USP22: variants seen among roughly 807,000 people sequenced by gnomAD.
USP22 encodes the protein ubiquitin carboxyl-terminal hydrolase 22.
In USP22, 22 loss-of-function variants were observed where a neutral mutation model predicts 68.1. The observed-to-expected ratio is 0.32, with a 90% CI of 0.23 to 0.46. USP22 has a LOEUF of 0.46. USP22 is among the 20% of genes least tolerant of loss of function. The pLI is 1.00. For missense variants in USP22, 433 were observed against 695.8 expected (o/e 0.62, Z 4.25); for synonymous variants, 279 against 274.2 (o/e 1.02, Z -0.17).
At position 21,027,292 on chromosome 17, in the gene USP22, C is replaced by CAAAAAAAAAAA. The variant is rs71357459; in HGVS notation, c.304+1239_304+1249dup. On this transcript the variant is annotated intron_variant, in intron 2 of 12. Coordinates refer to ENST00000261497, the MANE Select transcript of USP22 (RefSeq NM_015276.2). ...TCCAGACAAAGCGAGACCCTGTCTC[C>CAAAAAAAAAAA]AAAAAAAAAAAAAAAAAATCAGACA... Among the ~76,000 whole-genome samples the CAAAAAAAAAAA allele has an allele frequency of 9.0e-3, 648 of 71,910 alleles. 28 individuals are homozygous for CAAAAAAAAAAA. Among genetic ancestry groups the CAAAAAAAAAAA allele is most frequent in the East Asian group, 0.021 (55 of 2,610 alleles). 47.2% of individuals were successfully genotyped at this position (71,910 alleles called of 152,430 possible). A position where few individuals can be genotyped will look rare whatever the true frequency, so the allele number is the denominator to read the frequency against.
chr17:21,035,938 A>G (rs550658189), intron 1 of USP22, among the ~76,000 whole-genome samples: 94 of 150,462 alleles, frequency 6.2e-4, no homozygotes, highest in African/African-American at 2.3e-3. Flanking sequence ...GGCTGAGGCA[A>G]GAGAATGGCG....
At chr17:21,012,400 G>C (rs1913997150) in intron 7 of USP22, among the ~76,000 whole-genome samples, 2 of 152,186 alleles carry the variant, frequency 1.3e-5, no homozygotes, top group South Asian at 2.1e-4. Context: ...AGAAGAATTA[G>C]GGCCACTACA....
At chr17:21,035,725 T>A (rs1447141673) in intron 1 of USP22, among the ~76,000 whole-genome samples, 1 of 151,984 alleles carries the variant, frequency 6.6e-6, no homozygotes, top group African/African-American at 2.4e-5. Context: ...TAAATACCAT[T>A]AAAAGAAAAA....
Position 21,011,121 on chromosome 17 carries a change from G to GC in USP22, c.1103+29dup, listed in dbSNP as rs748624004. On this transcript the variant is annotated intron_variant, in intron 8 of 12. Transcript: ENST00000261497. ...GCACAGCCTTCTGGCCAGGAGACAC[G>GC]CCCCCGCCGTGTGGGTGCAGGCCTC... The GC allele has an allele frequency of 2.4e-5, 37 of 1,550,748 alleles. No individual in the cohort carries two copies. The African/African-American group carries it at 4.9e-4, about 21-fold the overall frequency.
chr17:21,017,016 C>T (rs1310391252), intron 5 of USP22, among the ~76,000 whole-genome samples: 1 of 152,202 alleles, frequency 6.6e-6, no homozygotes, highest in African/African-American at 2.4e-5. Context: ...CCTCCTTTCT[C>T]CTATTTGGGC....
intron 1 of USP22, among the ~76,000 whole-genome samples, chr17:21,033,818 C>A (rs4985822): frequency 1.3e-5 from 2 of 151,722 alleles, no homozygotes; most frequent in South Asian, 2.1e-4. Context: ...GCGTAATCTC[C>A]GCTAACTGCA....
intron 1 of USP22, among the ~76,000 whole-genome samples, 189 bp downstream of exon 1, chr17:21,042,476 A>G (rs1286817882): frequency 8.9e-6 from 1 of 112,044 alleles, no homozygotes; most frequent in East Asian, 3.0e-4. Flanking sequence ...GGGAAGGGAG[A>G]GAGTTGAGGG....
intron 4 of USP22, 45 bp from the exon 5 acceptor site, chr17:21,018,156 C>T (rs368103803): frequency 6.7e-7 from 1 of 1,503,694 alleles, no homozygotes; most frequent in African/African-American, 1.4e-5. Context: ...GTGTGCTGAA[C>T]CACAGGTGTC....
intron 1 of USP22, among the ~76,000 whole-genome samples, chr17:21,034,918 C>T (rs1019533299): frequency 2.0e-5 from 3 of 152,168 alleles, no homozygotes; most frequent in Admixed American, 6.5e-5. Flanking sequence ...AAAGTTTGCA[C>T]GTAATACAAA....
intron 1 of USP22, among the ~76,000 whole-genome samples, chr17:21,040,576 A>G (rs1382118947): frequency 6.6e-6 from 1 of 152,252 alleles, no homozygotes; most frequent in African/African-American, 2.4e-5. Flanking sequence ...TCTGAAATTA[A>G]AAGATTAATC....
chr17:21,035,163 C>T (rs1394006033), intron 1 of USP22, among the ~76,000 whole-genome samples: 1 of 152,186 alleles, frequency 6.6e-6, no homozygotes, highest in African/African-American at 2.4e-5. Context: ...CTGTCAATTA[C>T]ACATGTATGG....
At chr17:21,015,359 A>C (rs1914098152) in intron 6 of USP22, among the ~76,000 whole-genome samples, 1 of 152,130 alleles carries the variant, frequency 6.6e-6, no homozygotes, top group South Asian at 2.1e-4. Flanking sequence ...AATGGGAAGG[A>C]GACAGTTGGG....
chr17:21,010,873 A>G (rs2143539546), intron 8 of USP22, among the ~76,000 whole-genome samples: 1 of 152,318 alleles, frequency 6.6e-6, no homozygotes, highest in Admixed American at 6.5e-5. Context: ...CTAAGGGAGC[A>G]GCCAGTTTGG....
At chr17:21,029,734 C>T (rs1044205636) in intron 1 of USP22, among the ~76,000 whole-genome samples, 1 of 152,162 alleles carries the variant, frequency 6.6e-6, no homozygotes, top group Non-Finnish European at 1.5e-5. Context: ...CTGACACATG[C>T]TACAGTGCAG....
chr17:21,002,959 G>T lies in USP22; in HGVS notation c.*72C>A, dbSNP rs78523442. The T allele has an allele frequency of 2.2e-4, 348 of 1,584,328 alleles. 1 individual carries two copies. Among genetic ancestry groups the T allele is most frequent in the Middle Eastern group, 4.5e-4 (2 of 4,434 alleles). ...GCGGCGGGAGACTTGGGGGAGGGGG[G>T]GGCCAGGGAGGATCACTTTGTGAGG... On this transcript the variant is annotated 3_prime_UTR_variant, in exon 13 of 13. Coordinates refer to ENST00000261497, the MANE Select transcript of USP22 (RefSeq NM_015276.2).
intron 5 of USP22, among the ~76,000 whole-genome samples, chr17:21,016,623 C>G (rs1233420367): frequency 6.6e-6 from 1 of 152,194 alleles, no homozygotes; most frequent in Non-Finnish European, 1.5e-5. Context: ...TGGATGCACG[C>G]AAGACACGGG....
At chr17:21,022,454 A>C (rs1972168385) in intron 2 of USP22, among the ~76,000 whole-genome samples, 1 of 152,230 alleles carries the variant, frequency 6.6e-6, no homozygotes, top group African/African-American at 2.4e-5. Context: ...AAGTAAGATA[A>C]AGTCCTCTGA....
chr17:21,040,637 T>G (rs1256399589), intron 1 of USP22, among the ~76,000 whole-genome samples: 2 of 152,094 alleles, frequency 1.3e-5, no homozygotes, highest in South Asian at 4.1e-4. Flanking sequence ...TTTAGGAAAT[T>G]AGGCAAAGTT....
intron 1 of USP22, among the ~76,000 whole-genome samples, chr17:21,041,289 T>C (rs1185113148): frequency 6.6e-6 from 1 of 150,836 alleles, no homozygotes; most frequent in Non-Finnish European, 1.5e-5. Flanking sequence ...CGCTACCTGA[T>C]ACCATTACAG....
Sources: allele counts gnomAD v4.1 joint callset (sites outside exome capture counted in the v4.1 genomes callset), GRCh38; gene constraint gnomAD v4.1.1; transcripts MANE v1.5; gene names NCBI Gene and HGNC (gene_info 2026-07-23, HGNC 2026-07-21).